Variants in ZSCAN20 observed in about 807,000 individuals in gnomAD.
The protein encoded by ZSCAN20 is zinc finger and SCAN domain containing 20.
A neutral mutation model predicts 97.1 loss-of-function variants in ZSCAN20; 39 were observed. That is an observed-to-expected ratio of 0.40 (90% CI 0.31 to 0.52). The LOEUF (loss-of-function observed/expected upper bound fraction) is 0.52, where lower values mean the gene tolerates loss of function less well. Ranked by LOEUF, ZSCAN20 falls within the 20% of genes least tolerant of loss-of-function variation. The probability of loss-of-function intolerance (pLI) is 0.49; values close to 1 mark genes in which losing one functional copy is unlikely to be tolerated. For synonymous variants in ZSCAN20, 456 were observed against 467.3 expected, an observed-to-expected ratio of 0.98 and a Z score of 0.31; for missense variants, 1,115 against 1,290.4, an observed-to-expected ratio of 0.86 and a Z score of 2.08.
Position 33,495,343 on chromosome 1 carries a change from C to T in ZSCAN20, c.2999C>T (p.Ser1000Phe). ...RECGKCFNQS[S>F]SLIIHQRIHT... ...TGTGGGAAATGCTTTAACCAGAGCT[C>T]CAGTCTTATTATTCACCAGAGAATC... The change falls in exon 8 of 8, where the codon TCC becomes TTC. Residue 1000 changes from serine (S) to phenylalanine (F), a missense_variant. By Grantham distance (155) the Ser-to-Phe change is radical. Coordinates refer to ENST00000684572, the MANE Select transcript of ZSCAN20 (RefSeq NM_001377376.1). 6.2e-7 allele frequency: 1 copy of T among 1,613,218 alleles called. No individual in the cohort carries two copies. The highest frequency in any genetic ancestry group is 8.5e-7 in the Non-Finnish European group (1 of 1,179,538).
In ZSCAN20 at chr1:33,496,846, CTGTA is replaced by C. The variant is rs2148483918; in HGVS notation, c.*1374_*1377del. Among the ~76,000 whole-genome samples the C allele has an allele frequency of 6.6e-6, 1 of 152,302 alleles. No homozygotes were observed. The highest frequency in any genetic ancestry group is 2.1e-4 in the South Asian group (1 of 4,828). The stretch of plus-strand genomic sequence containing the variant: ...CTGTCCCAGGCCTGCCCAGGGCTTT[CTGTA>C]TGTTGACCCTTAAGACTCACCTCCC... On this transcript the variant is annotated 3_prime_UTR_variant, in exon 8 of 8. Transcript: ENST00000684572.
At chr1:33,486,649 C>T (rs1416131996) in intron 2 of ZSCAN20, among the ~76,000 whole-genome samples, 2 of 152,220 alleles carry the variant, frequency 1.3e-5, no homozygotes, top group Non-Finnish European at 2.9e-5. Flanking sequence ...TCCATGGAAT[C>T]AGAATCTTTG....
Position 33,493,628 on chromosome 1 carries a change from T to G in ZSCAN20, c.1873+13T>G. On this transcript the variant is annotated intron_variant, in intron 7 of 7. Transcript: ENST00000684572. The surrounding 1 kb of genome is among the most constrained non-coding windows in gnomAD (Gnocchi z 4.3). ...GCCCCAGACATGGGTAAGCCTGGAG[T>G]AATTGGATGTTCTCAAAATCTGTGG... is the stretch of plus-strand genomic sequence containing the variant. The G allele has an allele frequency of 6.5e-7, 1 of 1,531,592 alleles. No homozygotes were observed. The highest frequency in any genetic ancestry group is 8.8e-7 in the Non-Finnish European group (1 of 1,140,614). 94.9% of individuals were successfully genotyped at this position (1,531,592 alleles called of 1,614,324 possible). A position where few individuals can be genotyped will look rare whatever the true frequency, so the allele number is the denominator to read the frequency against.
At chr1:33,490,944 G>T (rs930074653) in intron 5 of ZSCAN20, 81 bp from the exon 6 acceptor site, 3 of 1,349,168 alleles carry the variant, frequency 2.2e-6, no homozygotes, top group East Asian at 4.6e-5. Flanking sequence ...GCAAGGAAAA[G>T]ATAGAAGTTT....
chr1:33,477,730 G>A (rs2336243), intron 1 of ZSCAN20, among the ~76,000 whole-genome samples: 111,479 of 149,192 alleles, frequency 0.75, 41,913 homozygotes, highest in Non-Finnish European at 0.78. Flanking sequence ...TCAATCATTC[G>A]TGACTTTATT....
rs1216093718 is a variant in ZSCAN20, at chr1:33,501,609, G to A, written c.*6133G>A. 2.0e-5 allele frequency among the ~76,000 whole-genome samples: 3 copies of A among 149,710 alleles called. No individual in the cohort carries two copies. The highest frequency in any genetic ancestry group is 7.4e-5 in the African/African-American group (3 of 40,286). On this transcript the variant is annotated 3_prime_UTR_variant, in exon 8 of 8. Transcript: ENST00000684572. Reference sequence around the variant, plus strand: ...ATCATATTTTGGGATGGAATGGCCTGATAAGTTAATAAATTATATTAAACT... The same window carrying A: ...ATCATATTTTGGGATGGAATGGCCTAATAAGTTAATAAATTATATTAAACT...
chr1:33,481,051 G>T (rs577108753), intron 2 of ZSCAN20, among the ~76,000 whole-genome samples: 2 of 152,234 alleles, frequency 1.3e-5, no homozygotes, highest in African/African-American at 4.8e-5. Context: ...GTGTGAGGTT[G>T]GGGGAGCAAA....
In ZSCAN20 at chr1:33,498,055, A is replaced by G. The variant is rs1469278490; in HGVS notation, c.*2579A>G. 6.6e-6 allele frequency among the ~76,000 whole-genome samples: 1 copy of G among 152,172 alleles called. No homozygotes were observed. Among genetic ancestry groups the G allele is most frequent in the East Asian group, 1.9e-4 (1 of 5,188 alleles). On this transcript the variant is annotated 3_prime_UTR_variant, in exon 8 of 8. Transcript: ENST00000684572. ...ATTGGGCCTAGGACAGAGCTACTTGATAGTGCTGAATGGAGAGGAAGATGG... is the reference window on the plus strand; with the variant it reads ...ATTGGGCCTAGGACAGAGCTACTTGGTAGTGCTGAATGGAGAGGAAGATGG...
At position 33,497,802 on chromosome 1, in the gene ZSCAN20, C is replaced by A. The variant is rs1467878438; in HGVS notation, c.*2326C>A. Among the ~76,000 whole-genome samples the A allele has an allele frequency of 6.6e-6, 1 of 152,066 alleles. No homozygotes were observed. The highest frequency in any genetic ancestry group is 1.5e-5 in the Non-Finnish European group (1 of 68,024). ...GAATGCCTTTGGTGACTGGGTAGAG[C>A]ATGTCCTCATTCAGAATTGGGAGCA... On this transcript the variant is annotated 3_prime_UTR_variant, in exon 8 of 8. Coordinates refer to ENST00000684572, the MANE Select transcript of ZSCAN20 (RefSeq NM_001377376.1).
In ZSCAN20 at chr1:33,496,002, A is replaced by T. The variant is rs865803594; in HGVS notation, c.*526A>T. ...GTGACATCATTACAAAATCATCAAT[A>T]GCAGCAATAGCTGGTGTTTATTGAG... On this transcript the variant is annotated 3_prime_UTR_variant, in exon 8 of 8. Transcript: ENST00000684572. The T allele has an allele frequency of 4.6e-5, 7 of 152,362 alleles. No homozygotes were observed. Among genetic ancestry groups the T allele is most frequent in the African/African-American group, 1.7e-4 (7 of 41,470 alleles). The allele number at this position is 152,362 out of a possible 1,614,324, so 9.4% of individuals were successfully genotyped here. A position where few individuals can be genotyped will look rare whatever the true frequency, so the allele number is the denominator to read the frequency against.
In ZSCAN20 at chr1:33,474,148, T is replaced by C. The variant is rs373747079; in HGVS notation, c.-111+1457T>C. Among the ~76,000 whole-genome samples the C allele has an allele frequency of 3.8e-4, 58 of 152,334 alleles. No homozygotes were observed. The East Asian group carries it at 7.5e-3, about 20-fold the overall frequency. On this transcript the variant is annotated intron_variant, in intron 1 of 7. Coordinates refer to ENST00000684572, the MANE Select transcript of ZSCAN20 (RefSeq NM_001377376.1). ...GTCCCTGGCAGTCATGGCTAATTGG[T>C]TGGTTCTCAGCACATATTCACACTG...
In ZSCAN20 at chr1:33,496,489, G is replaced by T. The variant is rs949056745; in HGVS notation, c.*1013G>T. The T allele has an allele frequency of 6.6e-6, 1 of 152,146 alleles. No individual in the cohort carries two copies. Among genetic ancestry groups the T allele is most frequent in the African/African-American group, 2.4e-5 (1 of 41,418 alleles). 9.4% of individuals were successfully genotyped at this position (152,146 alleles called of 1,614,324 possible). On this transcript the variant is annotated 3_prime_UTR_variant, in exon 8 of 8. Transcript: ENST00000684572. ...TAATATGGGTGAGAGATATAGGTGG[G>T]TTGAGATTGGGAAAAATATGCGGCC...
At position 33,494,545 on chromosome 1, in the gene ZSCAN20, G is replaced by A. The variant is rs1369989346; in HGVS notation, c.2201G>A (p.Gly734Asp). Residue 734 changes from glycine (G) to aspartate (D), a missense_variant, in exon 8 of 8, where the codon GGT becomes GAT. Transcript: ENST00000684572. ...HFIAHQRIHT[G>D]EKPYKCLECG... is the part of the protein sequence containing the mutation. ...ATTGCCCATCAGCGAATCCACACAG[G>A]TGAGAAGCCCTACAAATGCCTTGAA... The A allele has an allele frequency of 6.2e-7, 1 of 1,614,194 alleles. No homozygotes were observed. The highest frequency in any genetic ancestry group is 2.2e-5 in the East Asian group (1 of 44,892).
Position 33,491,267 on chromosome 1 carries a change from A to G in ZSCAN20, c.1009A>G (p.Ile337Val). The G allele has an allele frequency of 6.2e-7, 1 of 1,614,162 alleles. No individual in the cohort carries two copies. The highest frequency in any genetic ancestry group is 8.5e-7 in the Non-Finnish European group (1 of 1,180,038). Residue 337 changes from isoleucine (I) to valine (V), a missense_variant, in exon 6 of 8, where the codon ATT (isoleucine) becomes GTT (valine). By Grantham distance (29) the Ile-to-Val change is conservative. Transcript: ENST00000684572. This position sits in a 1 kb window ranked among gnomAD's most constrained non-coding sequence, Gnocchi z 4.3. ...TGAGGAGACCAAGACTTTCCTGGCA[A>G]TTTTGAGTGAATCTCCTTTCTCTGA... ...GYEETKTFLA[I>V]LSESPFSEKL...
chr1:33,500,869 C>T lies in ZSCAN20; in HGVS notation c.*5393C>T, dbSNP rs899384006. Among the ~76,000 whole-genome samples, 2 of 151,834 alleles carry T rather than the reference C, an allele frequency of 1.3e-5. No individual in the cohort carries two copies. The highest frequency in any genetic ancestry group is 2.9e-5 in the Non-Finnish European group (2 of 67,998). ...GGCAGAGTTGTGACTACTAGAATCTCGAGTCACTGGGGCTCAGGGAGCCCT... is the reference window on the plus strand; with the variant it reads ...GGCAGAGTTGTGACTACTAGAATCTTGAGTCACTGGGGCTCAGGGAGCCCT... On this transcript the variant is annotated 3_prime_UTR_variant, in exon 8 of 8. Coordinates refer to ENST00000684572, the MANE Select transcript of ZSCAN20 (RefSeq NM_001377376.1).
At position 33,494,171 on chromosome 1, in the gene ZSCAN20, G is replaced by A. The variant is rs72885577; in HGVS notation, c.1874-47G>A. On this transcript the variant is annotated intron_variant, in intron 7 of 7. Transcript: ENST00000684572. ...CAGACACACACAAACACACACACAC[G>A]CGCGCTAATGAGTGAAGAAAAACTG... 3.5e-3 allele frequency: 5,190 copies of A among 1,494,624 alleles called. 146 individuals are homozygous for A. In the African/African-American group the frequency reaches 0.061, roughly 18 times the overall value. 92.6% of individuals were successfully genotyped at this position (1,494,624 alleles called of 1,614,324 possible).
chr1:33,483,757 A>G (rs1652244566), intron 2 of ZSCAN20, among the ~76,000 whole-genome samples: 1 of 152,006 alleles, frequency 6.6e-6, no homozygotes, highest in African/African-American at 2.4e-5. Flanking sequence ...AATTTCTGTG[A>G]TTTTGATTGG....
intron 2 of ZSCAN20, among the ~76,000 whole-genome samples, chr1:33,482,938 AGTTCTTT>A (rs546492797): frequency 3.9e-3 from 588 of 152,210 alleles, no homozygotes; most frequent in Middle Eastern, 0.01. Flanking sequence ...GAGTTTTAAG[AGTTCTTT>A]GTATGTTCGG....
rs745387354 is a variant in ZSCAN20 at position 33,489,206 on chromosome 1, G to A, written c.681+15G>A. 8.1e-6 allele frequency: 13 copies of A among 1,611,800 alleles called. No homozygotes were observed. The highest frequency in any genetic ancestry group is 1.7e-5 in the Admixed American group (1 of 59,952). ...CTGAGTCCCAGGTAAGCTGTTACTC[G>A]TTCTTCCTTTCCTGTCATTGCTGCT... On this transcript the variant is annotated intron_variant, in intron 4 of 7. Transcript: ENST00000684572.
Sources: allele counts gnomAD v4.1 joint callset (sites outside exome capture counted in the v4.1 genomes callset), GRCh38; gene constraint gnomAD v4.1.1; non-coding constraint Gnocchi (gnomAD v3.1); transcripts MANE v1.5; gene names NCBI Gene and HGNC (gene_info 2026-07-23, HGNC 2026-07-21).